The following CLUAP1 variants were observed in gnomAD, a reference collection of about 807,000 sequenced individuals.
CLUAP1 encodes clusterin-associated protein 1.
CLUAP1 carries 50 observed loss-of-function variants against 55.0 expected under a neutral mutation model. That is an observed-to-expected ratio of 0.91 (90% confidence interval 0.72 to 1.15). CLUAP1 has a LOEUF of 1.15. Ranked by LOEUF, CLUAP1 falls within the 50% of genes most tolerant of loss-of-function variation. CLUAP1 has a pLI of 0.00. For missense variants in CLUAP1, 530 were observed against 507.6 expected (o/e 1.04, Z -0.42); for synonymous variants, 195 against 175.4 (o/e 1.11, Z -0.88).
intron 10 of CLUAP1, 41 bp downstream of exon 10, chr16:3,530,716 G>A (rs758992511): frequency 2.0e-6 from 3 of 1,522,026 alleles, no homozygotes; most frequent in East Asian, 2.3e-5. Flanking sequence ...CCTGCGCCCT[G>A]TTTCACAGAA....
At chr16:3,512,313 T>C in intron 4 of CLUAP1, 70 bp from the exon 5 acceptor site, 1 of 1,206,538 alleles carries the variant, frequency 8.3e-7, no homozygotes, top group Non-Finnish European at 1.2e-6. Context: ...CTGGGTAACA[T>C]AGCCAAGACC....
chr16:3,501,061 G>C lies in CLUAP1; in HGVS notation c.-7G>C, dbSNP rs771106081. On this transcript the variant is annotated 5_prime_UTR_variant, in exon 1 of 12. Transcript: ENST00000576634. Reference sequence around the variant, plus strand: ...TGCGACCCTGGGCTCCTGGGGACCTGAGCGTTATGTCTTTCCGCGACCTCC... The same window carrying C: ...TGCGACCCTGGGCTCCTGGGGACCTCAGCGTTATGTCTTTCCGCGACCTCC... The C allele has an allele frequency of 6.2e-7, 1 of 1,600,066 alleles. No individual in the cohort carries two copies. Among genetic ancestry groups the C allele is most frequent in the South Asian group, 1.1e-5 (1 of 89,634 alleles).
the CLUAP1 span, chr16:3,495,628 G>A: frequency 9.0e-7 from 1 of 1,108,194 alleles, no homozygotes. Context: ...CATGGGAAGG[G>A]GCCAGAACCC....
At chr16:3,529,786 AAT>A (rs1456699336) in intron 9 of CLUAP1, among the ~76,000 whole-genome samples, 20 of 44,898 alleles carry the variant, frequency 4.5e-4, no homozygotes, top group African/African-American at 1.5e-3. Flanking sequence ...TATATTATAT[AAT>A]ATATATTATA....
intron 11 of CLUAP1, chr16:3,533,586 T>C (rs1295374196): frequency 5.5e-6 from 1 of 180,796 alleles, no homozygotes; most frequent in Non-Finnish European, 1.2e-5. Flanking sequence ...CAAAAGGGGA[T>C]TCTAGGGGTC....
chr16:3,529,135 C>T (rs2038006147), intron 9 of CLUAP1, among the ~76,000 whole-genome samples: 1 of 151,806 alleles, frequency 6.6e-6, no homozygotes, highest in African/African-American at 2.4e-5. Flanking sequence ...AACCTATGCA[C>T]ATCCTCCCAT....
intron 6 of CLUAP1, among the ~76,000 whole-genome samples, chr16:3,518,112 A>AT (rs1379860056): frequency 6.6e-6 from 1 of 152,214 alleles, no homozygotes; most frequent in Non-Finnish European, 1.5e-5. Context: ...TATTCAGGGT[A>AT]TTGGAACGTC....
chr16:3,503,969 GA>G (rs1270860112), intron 1 of CLUAP1, among the ~76,000 whole-genome samples: 1 of 152,112 alleles, frequency 6.6e-6, no homozygotes, highest in East Asian at 1.9e-4. Context: ...AAATAACCAG[GA>G]AGCACACTGA....
chr16:3,536,268 C>T lies in CLUAP1; in HGVS notation c.1239C>T (p.Phe413=). Residue 413 remains phenylalanine (F), a synonymous_variant, in exon 12 of 12, where the codon TTC becomes TTT. Coordinates refer to ENST00000576634, the MANE Select transcript of CLUAP1 (RefSeq NM_015041.3). ...SEPLDESDND[F] ...CCCTGGATGAGAGTGACAATGACTT[C>T]TGACCCTTTTGCCAAGGGACCCTGG... is the stretch of plus-strand genomic sequence containing the variant. The T allele has an allele frequency of 6.2e-7, 1 of 1,613,862 alleles. No individual in the cohort carries two copies. Among genetic ancestry groups the T allele is most frequent in the Non-Finnish European group, 8.5e-7 (1 of 1,179,860 alleles).
intron 9 of CLUAP1, among the ~76,000 whole-genome samples, chr16:3,529,841 T>A (rs1019003955): frequency 1.9e-5 from 1 of 51,608 alleles, no homozygotes; most frequent in African/African-American, 9.1e-5. Flanking sequence ...TATAATATAT[T>A]ATATAATATA....
chr16:3,496,268 T>A (rs2037308323), upstream of CLUAP1: 2 of 742,676 alleles, frequency 2.7e-6, no homozygotes, highest in Non-Finnish European at 4.8e-6. Context: ...AGCCAGGATA[T>A]CTAACTGAGG....
chr16:3,519,764 C>A, intron 6 of CLUAP1, 139 bp from the exon 7 acceptor site: 3 of 761,532 alleles, frequency 3.9e-6, no homozygotes, highest in Non-Finnish European at 6.0e-6. Flanking sequence ...TGAGTCATTG[C>A]TTGGGGAAGT....
At chr16:3,496,435 C>G, upstream of CLUAP1, 1 of 885,366 alleles carries the variant, frequency 1.1e-6, no homozygotes, top group South Asian at 1.3e-5. Flanking sequence ...GCTGGGAAAA[C>G]AAAACGGCCG....
intron 4 of CLUAP1, among the ~76,000 whole-genome samples, chr16:3,511,868 AGGCTAGT>A (rs1230503640): frequency 6.6e-6 from 1 of 152,148 alleles, no homozygotes; most frequent in South Asian, 2.1e-4. Context: ...TGACATGAAC[AGGCTAGT>A]GGTTGAATGC....
rs531380218 is a variant in CLUAP1, at chr16:3,508,347, C to T, written c.278C>T (p.Ala93Val). ...TKKLYQADGYAVKELLKITSV... is the reference protein window; with the variant it reads ...TKKLYQADGYVVKELLKITSV... ...AAGCTTTATCAAGCAGATGGGTATGCGGTAAAAGAGCTGCTGAAGATCACA... is the reference window on the plus strand; with the variant it reads ...AAGCTTTATCAAGCAGATGGGTATGTGGTAAAAGAGCTGCTGAAGATCACA... The change falls in exon 4 of 12, where the codon GCG becomes GTG. Residue 93 changes from alanine to valine, a missense_variant. Transcript: ENST00000576634. 78 of 1,608,972 alleles carry T rather than the reference C, an allele frequency of 4.8e-5. No homozygotes were observed. The South Asian group carries it at 6.7e-4, about 14-fold the overall frequency.
chr16:3,505,316 G>C (rs2037481994), intron 2 of CLUAP1, among the ~76,000 whole-genome samples: 1 of 152,096 alleles, frequency 6.6e-6, no homozygotes, highest in African/African-American at 2.4e-5. Context: ...GGATCACGAG[G>C]TCAGGAGATC....
chr16:3,508,474 GACA>G lies in CLUAP1; in HGVS notation c.399+11_399+13del. 1 of 1,563,124 alleles carries G rather than the reference GACA, an allele frequency of 6.4e-7. No homozygotes were observed. Among genetic ancestry groups the G allele is most frequent in the Non-Finnish European group, 8.6e-7 (1 of 1,163,878 alleles). On this transcript the variant is annotated splice_region_variant and intron_variant, in intron 4 of 11. Transcript: ENST00000576634. ...AGTTTGATCTTGGCTCAAAGGTAAG[GACA>G]ACAAAAGCCTTGTAGTGGGCGATGG...
intron 9 of CLUAP1, among the ~76,000 whole-genome samples, chr16:3,528,395 C>G (rs2037990035): frequency 6.6e-6 from 1 of 152,138 alleles, no homozygotes. Flanking sequence ...ACTCTCTCGT[C>G]TGAATCTCAG....
At chr16:3,507,104 G>C (rs1596384297) in intron 3 of CLUAP1, among the ~76,000 whole-genome samples, 1 of 151,830 alleles carries the variant, frequency 6.6e-6, no homozygotes, top group Admixed American at 6.6e-5. Flanking sequence ...GCTGAGGCAG[G>C]AGAATGGTGT....
Sources: allele counts gnomAD v4.1 joint callset (sites outside exome capture counted in the v4.1 genomes callset), GRCh38; gene constraint gnomAD v4.1.1; transcripts MANE v1.5; gene names NCBI Gene and HGNC (gene_info 2026-07-23, HGNC 2026-07-21).